PLCH2: variants seen among roughly 807,000 people sequenced by gnomAD.
PLCH2 encodes the protein phospholipase C eta 2, also known as 1-phosphatidylinositol 4,5-bisphosphate phosphodiesterase eta-2.
Under a neutral mutation model 134.7 loss-of-function variants are expected in PLCH2, and 98 were observed. That is an observed-to-expected ratio of 0.73 (90% CI 0.62 to 0.86). The LOEUF is 0.86. Among genes scored for constraint, PLCH2 ranks in the 40% least tolerant of loss-of-function variants. The probability of loss-of-function intolerance (pLI) is 0.00; values close to 1 mark genes in which losing one functional copy is unlikely to be tolerated. For missense variants in PLCH2, 1,994 were observed against 1,986.6 expected (o/e 1.00, Z -0.07); for synonymous variants, 974 against 827.5 (o/e 1.18, Z -3.04).
chr1:2,498,984 G>A lies in PLCH2; in HGVS notation c.2435-100G>A. 1 of 1,453,918 alleles carries A rather than the reference G, an allele frequency of 6.9e-7. No individual in the cohort carries two copies. The highest frequency in any genetic ancestry group is 9.4e-7 in the Non-Finnish European group (1 of 1,066,422). 90.1% of individuals were successfully genotyped at this position (1,453,918 alleles called of 1,614,324 possible). A position where few individuals can be genotyped will look rare whatever the true frequency, so the allele number is the denominator to read the frequency against. The stretch of plus-strand genomic sequence containing the variant: ...GTGGGCAGTCCCGGAAGCAGCACCG[G>A]GAGTGGCACTGGGAGTGGTGTGGGC... On this transcript the variant is annotated intron_variant, in intron 18 of 21. Coordinates refer to ENST00000378486, the MANE Select transcript of PLCH2 (RefSeq NM_014638.4). This position sits in a 1 kb window ranked among gnomAD's most constrained non-coding sequence, Gnocchi z 5.4.
chr1:2,429,381 C>G (rs11578895), intron 1 of PLCH2, among the ~76,000 whole-genome samples: 44,812 of 152,054 alleles, frequency 0.29, 6,680 homozygotes, highest in South Asian at 0.37. Context: ...AATCCCCTCC[C>G]CAGGGAGGGC....
At chr1:2,492,903 G>A (rs1642671916) in intron 11 of PLCH2, among the ~76,000 whole-genome samples, 1 of 152,156 alleles carries the variant, frequency 6.6e-6, no homozygotes, top group Non-Finnish European at 1.5e-5. Context: ...GGGGAGAGAA[G>A]CCGGTGGGTA....
chr1:2,476,522 C>T lies in PLCH2; in HGVS notation c.-67C>T. The T allele has an allele frequency of 7.1e-7, 1 of 1,417,100 alleles. No homozygotes were observed. Among genetic ancestry groups the T allele is most frequent in the Non-Finnish European group, 9.2e-7 (1 of 1,085,768 alleles). The allele number at this position is 1,417,100 out of a possible 1,614,324, so 87.8% of individuals were successfully genotyped here. ...TGTCGCCAGCGCTGCCACTGCCTGA[C>T]CTCCGCTGCCCGAAGGCCGGTGGGC... On this transcript the variant is annotated 5_prime_UTR_variant, in exon 1 of 22. Coordinates refer to ENST00000378486, the MANE Select transcript of PLCH2 (RefSeq NM_014638.4).
chr1:2,439,904 C>G lies in PLCH2; in HGVS notation c.115+9275C>G, dbSNP rs553575667. 2.0e-5 allele frequency among the ~76,000 whole-genome samples: 3 copies of G among 152,244 alleles called. No homozygotes were observed. The South Asian group carries it at 6.2e-4, about 32-fold the overall frequency. On this transcript the variant is annotated intron_variant, in intron 2 of 3. Transcript: ENST00000609981. This position sits in a 1 kb window ranked among gnomAD's most constrained non-coding sequence, Gnocchi z 4.7. ...GACCTCATGATCTTAATGTGAAGGG[C>G]AGACTCAAAATCAGGGCAAGGTCAT... is the stretch of plus-strand genomic sequence containing the variant.
At chr1:2,426,537 G>A (rs533771566) in intron 1 of PLCH2, among the ~76,000 whole-genome samples, 11 of 152,300 alleles carry the variant, frequency 7.2e-5, no homozygotes, top group Non-Finnish European at 8.8e-5. Context: ...CTACACACAC[G>A]AGCTCGGCCC....
Position 2,494,917 on chromosome 1 carries a change from G to T in PLCH2, c.1721G>T (p.Arg574Leu), listed in dbSNP as rs376637097. The T allele has an allele frequency of 2.7e-5, 43 of 1,601,264 alleles. No homozygotes were observed. Among genetic ancestry groups the T allele is most frequent in the Non-Finnish European group, 3.6e-5 (42 of 1,175,562 alleles). ...EDAGASRRNG[R>L]LVVGSFSRRK... ...GCCGGGGCCAGCAGACGCAATGGCC[G>T]CCTCGTCGTGGGAAGCTTCTCCAGG... is the stretch of plus-strand genomic sequence containing the variant. The change falls in exon 12 of 22, where the codon CGC (arginine) becomes CTC (leucine). Residue 574 changes from arginine to leucine, a missense_variant. Transcript: ENST00000378486.
chr1:2,493,029 C>T (rs2100703495), intron 11 of PLCH2: 1 of 152,356 alleles, frequency 6.6e-6, no homozygotes, highest in East Asian at 1.9e-4. Context: ...AGAACCCAGC[C>T]TCCCTGACAG....
In PLCH2 at chr1:2,489,353, T is replaced by A. The variant is rs752604049; in HGVS notation, c.1382T>A (p.Met461Lys). The change falls in exon 9 of 22, where the codon ATG becomes AAG. Residue 461 changes from methionine to lysine, a missense_variant. Met to Lys is a moderately conservative substitution (Grantham distance 95, BLOSUM62 -1). Coordinates refer to ENST00000378486, the MANE Select transcript of PLCH2 (RefSeq NM_014638.4). ...GCCACCACACTCCCCTCTCCACAGA[T>A]GCTCAAGGGCAAGATCCTCGTGAAG... ...EDATTLPSPQMLKGKILVKGK... is the reference protein window; with the variant it reads ...EDATTLPSPQKLKGKILVKGK... 1.2e-6 allele frequency: 2 copies of A among 1,613,620 alleles called. No homozygotes were observed. The highest frequency in any genetic ancestry group is 1.7e-5 in the Admixed American group (1 of 59,992).
In PLCH2 at chr1:2,444,120, G is replaced by C. The variant is rs577631013; in HGVS notation, c.115+13491G>C. Among the ~76,000 whole-genome samples, 4 of 152,192 alleles carry C rather than the reference G, an allele frequency of 2.6e-5. No homozygotes were observed. The South Asian group carries it at 8.3e-4, about 32-fold the overall frequency. Reference sequence around the variant, plus strand: ...GCTCGGATCGCGGTGGCACGGGCAGGGGTGCGGGCGCGGGACTGTGGGCGG... The same window carrying C: ...GCTCGGATCGCGGTGGCACGGGCAGCGGTGCGGGCGCGGGACTGTGGGCGG... On this transcript the variant is annotated intron_variant, in intron 2 of 3. Transcript: ENST00000609981. The surrounding 1 kb of genome is among the most constrained non-coding windows in gnomAD (Gnocchi z 4.6).
chr1:2,427,561 C>T (rs984464649), intron 1 of PLCH2, among the ~76,000 whole-genome samples: 1 of 152,198 alleles, frequency 6.6e-6, no homozygotes, highest in African/African-American at 2.4e-5. Flanking sequence ...TACCTGCCCT[C>T]AGGGGGCTTC....
intron 2 of PLCH2, among the ~76,000 whole-genome samples, chr1:2,434,330 C>T (rs1470407863): frequency 6.6e-6 from 1 of 152,252 alleles, no homozygotes; most frequent in Non-Finnish European, 1.5e-5. Context: ...CAGCCGTTTA[C>T]AACCTGGGAA....
chr1:2,473,632 T>A (rs1055354263), upstream of PLCH2, among the ~76,000 whole-genome samples: 1 of 152,184 alleles, frequency 6.6e-6, no homozygotes. Flanking sequence ...TCCACCTGTG[T>A]CCAGCCAGCG....
chr1:2,489,149 G>A (rs1196404580), intron 8 of PLCH2, 58 bp from the exon 9 acceptor site: 5 of 1,499,128 alleles, frequency 3.3e-6, no homozygotes, highest in Non-Finnish European at 4.6e-6. Flanking sequence ...CAGAGGTGGG[G>A]CTTACCCATC....
At chr1:2,421,413 GTAATT>G (rs1424447497), upstream of PLCH2, among the ~76,000 whole-genome samples, 1 of 152,154 alleles carries the variant, frequency 6.6e-6, no homozygotes, top group Admixed American at 6.5e-5. Flanking sequence ...TCAAATTAAA[GTAATT>G]AAATTATGTA....
At chr1:2,420,469 G>T in the PLCH2 span, among the ~76,000 whole-genome samples, 1 of 152,198 alleles carries the variant, frequency 6.6e-6, no homozygotes, top group Non-Finnish European at 1.5e-5. Context: ...GGGGCTGAAC[G>T]GTTATGTCCC....
chr1:2,487,053 C>A, intron 6 of PLCH2, 53 bp downstream of exon 6: 1 of 1,531,960 alleles, frequency 6.5e-7, no homozygotes, highest in Non-Finnish European at 8.9e-7. Flanking sequence ...GGAGGGGCAA[C>A]GAGGGCCCAA....
Position 2,483,904 on chromosome 1 carries a change from G to A in PLCH2, c.646-544G>A, listed in dbSNP as rs548719809. Among the ~76,000 whole-genome samples the A allele has an allele frequency of 1.6e-4, 18 of 115,718 alleles. 3 individuals carry two copies. The highest frequency in any genetic ancestry group is 5.1e-4 in the African/African-American group (16 of 31,658). The allele number at this position is 115,718 out of a possible 152,430, so 75.9% of individuals were successfully genotyped here. On this transcript the variant is annotated intron_variant, in intron 4 of 21. Coordinates refer to ENST00000378486, the MANE Select transcript of PLCH2 (RefSeq NM_014638.4). ...GTGGCGCTGACTCCCGTGTGGGGGG[G>A]CGCTGACTCCCGTGTGGGGGGGCGC...
chr1:2,495,521 G>A lies in PLCH2; in HGVS notation c.1786G>A (p.Val596Met), dbSNP rs180707391. 96 of 1,552,138 alleles carry A rather than the reference G, an allele frequency of 6.2e-5. 1 individual carries two copies. Among genetic ancestry groups the A allele is most frequent in the African/African-American group, 2.5e-4 (18 of 73,176 alleles). ...KGSKLKKAAS[V>M]EEGDEGQDSP... ...CAGCAAGCTGAAGAAGGCGGCCAGCGTGGAGGAGGGAGATGAGGGTCAGGA... is the reference window on the plus strand; with the variant it reads ...CAGCAAGCTGAAGAAGGCGGCCAGCATGGAGGAGGGAGATGAGGGTCAGGA... The change falls in exon 13 of 22, where the codon GTG becomes ATG. Residue 596 changes from valine (V) to methionine (M), a missense_variant. Transcript: ENST00000378486.
In PLCH2 at chr1:2,503,344, A is replaced by G. The variant is rs1643343358; in HGVS notation, c.2960-578A>G. 6 of 579,602 alleles carry G rather than the reference A, an allele frequency of 1.0e-5. No individual in the cohort carries two copies. The South Asian group carries it at 1.2e-4, about 12-fold the overall frequency. The allele number at this position is 579,602 out of a possible 1,614,324, so 35.9% of individuals were successfully genotyped here. A position where few individuals can be genotyped will look rare whatever the true frequency, so the allele number is the denominator to read the frequency against. On this transcript the variant is annotated intron_variant, in intron 21 of 21. Coordinates refer to ENST00000378486, the MANE Select transcript of PLCH2 (RefSeq NM_014638.4). ...CCCACCTCCCTCTAGGGCAGGCTCC[A>G]GGGGTCCCTACTGGGAAGTCTGATG...
Sources: gnomAD v4.1 joint callset for allele counts (sites outside exome capture counted in the v4.1 genomes callset) on GRCh38, gnomAD v4.1.1 for gene constraint, Gnocchi (gnomAD v3.1) non-coding constraint, MANE v1.5 for transcripts, NCBI Gene and HGNC (gene_info 2026-07-23, HGNC 2026-07-21) for gene names.